The following CACNA1E variants were observed in gnomAD, a reference collection of about 807,000 sequenced individuals.
The protein encoded by CACNA1E is voltage-dependent R-type calcium channel subunit alpha-1E.
Under a neutral mutation model 259.2 loss-of-function variants are expected in CACNA1E, and 40 were observed. That is an observed-to-expected ratio of 0.15 (90% CI 0.12 to 0.20). The LOEUF (loss-of-function observed/expected upper bound fraction) is 0.20, where lower values mean the gene tolerates loss of function less well. Among genes scored for constraint, CACNA1E ranks in the 10% least tolerant of loss-of-function variants. The pLI is 1.00. For synonymous variants in CACNA1E, 1,104 were observed against 1,138.5 expected, an observed-to-expected ratio of 0.97 and a Z score of 0.61; for missense variants, 1,874 against 3,040.1, an observed-to-expected ratio of 0.62 and a Z score of 9.02.
chr1:181,785,236 GT>G, intron 41 of CACNA1E, 81 bp from the exon 42 acceptor site: 1 of 804,558 alleles, frequency 1.2e-6, no homozygotes, highest in Non-Finnish European at 2.1e-6. Flanking sequence ...GTTCCAGAGA[GT>G]GGGTAACAAA....
intron 3 of CACNA1E, among the ~76,000 whole-genome samples, chr1:181,542,688 C>T (rs1371727475): frequency 2.6e-5 from 4 of 151,996 alleles, no homozygotes; most frequent in Non-Finnish European, 4.4e-5. Flanking sequence ...CCACGCTGAA[C>T]TGTGAGTCAG....
At chr1:181,590,920 T>C (rs1343160616) in intron 6 of CACNA1E, among the ~76,000 whole-genome samples, 3 of 152,236 alleles carry the variant, frequency 2.0e-5, no homozygotes, top group African/African-American at 7.2e-5. Context: ...TACCACATTT[T>C]CTTGAATCTA....
At chr1:181,463,903 AT>A (rs1408228026) in intron 2 of CACNA1E, among the ~76,000 whole-genome samples, 3 of 152,156 alleles carry the variant, frequency 2.0e-5, no homozygotes, top group African/African-American at 7.2e-5. Context: ...AGTCATTTAT[AT>A]TTTTTAAATA....
chr1:181,401,667 T>C (rs1473236072), intron 1 of CACNA1E, among the ~76,000 whole-genome samples: 1 of 152,212 alleles, frequency 6.6e-6, no homozygotes, highest in African/African-American at 2.4e-5. Context: ...GGGCTTCTTG[T>C]CACAGAGCTT....
intron 30 of CACNA1E, 84 bp downstream of exon 30, chr1:181,757,210 A>G (rs1340782421): frequency 1.1e-6 from 1 of 887,888 alleles, no homozygotes; most frequent in Non-Finnish European, 1.8e-6. Flanking sequence ...GGAGGACTGC[A>G]TTTTCTTAAC....
At chr1:181,764,541 G>A (rs1359659430) in intron 34 of CACNA1E, among the ~76,000 whole-genome samples, 1 of 152,204 alleles carries the variant, frequency 6.6e-6, no homozygotes, top group Admixed American at 6.5e-5. Context: ...TCTTCATCGA[G>A]GACCTGGGAT....
chr1:181,600,918 C>A, intron 6 of CACNA1E, among the ~76,000 whole-genome samples: 1 of 152,228 alleles, frequency 6.6e-6, no homozygotes, highest in Non-Finnish European at 1.5e-5. Flanking sequence ...AGAGGACCAA[C>A]GACTTAGCTC....
In CACNA1E at chr1:181,784,666, G is replaced by T. The variant is rs762378008; in HGVS notation, c.5476G>T (p.Ala1826Ser). The T allele has an allele frequency of 1.3e-6, 2 of 1,568,882 alleles. No individual in the cohort carries two copies. The highest frequency in any genetic ancestry group is 1.7e-6 in the Non-Finnish European group (2 of 1,155,552). Residue 1826 changes from alanine (A) to serine (S), a missense_variant, in exon 41 of 48, where the codon GCA (alanine) becomes TCA (serine). This residue lies in a region of CACNA1E where 147 missense variants were observed against 337.1 expected (regional missense o/e 0.44). Transcript: ENST00000367573. Reference protein sequence around the residue: ...ALDIKIAKGGADRQQLDSELQ... With the variant: ...ALDIKIAKGGSDRQQLDSELQ... ...AGTAATTTATCTTATTCTAGGTGGT[G>T]CAGACAGGCAGCAGCTAGACTCAGA...
rs765829295 is a variant in CACNA1E, at chr1:181,756,112, A to G, written c.4127+19A>G. 4.4e-6 allele frequency: 7 copies of G among 1,600,172 alleles called. No individual in the cohort carries two copies. In the South Asian group the frequency reaches 4.5e-5, roughly 10 times the overall value. On this transcript the variant is annotated intron_variant, in intron 29 of 47. Transcript: ENST00000367573. ...GGCCTCAGTGAGTGATTGAGTTGTC[A>G]TGCTTGTCTGTGGCTGTGATAGGAC...
intron 7 of CACNA1E, among the ~76,000 whole-genome samples, chr1:181,674,347 C>G (rs557231614): frequency 1.5e-5 from 2 of 134,118 alleles, no homozygotes; most frequent in Non-Finnish European, 3.1e-5. Context: ...GAGCCGAGAT[C>G]GCGCCACTGT....
chr1:181,319,296 A>G (rs942807607), intron 1 of CACNA1E, among the ~76,000 whole-genome samples: 3 of 152,220 alleles, frequency 2.0e-5, no homozygotes, highest in Non-Finnish European at 4.4e-5. Context: ...CCTGCAAGGA[A>G]AGGATGTTTC....
chr1:181,735,130 T>C (rs1391752577), intron 21 of CACNA1E, among the ~76,000 whole-genome samples: 2 of 152,244 alleles, frequency 1.3e-5, no homozygotes, highest in Admixed American at 1.3e-4. Flanking sequence ...GTGCCACTGC[T>C]ACTTCAGAAA....
intron 40 of CACNA1E, 37 bp from the exon 41 acceptor site, chr1:181,784,624 G>A (rs1362109140): frequency 5.1e-6 from 7 of 1,382,602 alleles, no homozygotes; most frequent in African/African-American, 1.4e-5. Context: ...GTTATTTCTG[G>A]GTCTATTCTA....
At chr1:181,599,731 A>G (rs929929710) in intron 6 of CACNA1E, among the ~76,000 whole-genome samples, 9 of 152,266 alleles carry the variant, frequency 5.9e-5, no homozygotes, top group African/African-American at 2.2e-4. Flanking sequence ...GGAGTAATAA[A>G]TTAGTGAATG....
At chr1:181,694,487 GATT>G (rs1489955461) in intron 7 of CACNA1E, among the ~76,000 whole-genome samples, 1 of 152,174 alleles carries the variant, frequency 6.6e-6, no homozygotes. Flanking sequence ...CTCGTGAATG[GATT>G]AATGCCATTA....
At chr1:181,492,753 A>G (rs1345347529) in intron 1 of CACNA1E, among the ~76,000 whole-genome samples, 1 of 152,012 alleles carries the variant, frequency 6.6e-6, no homozygotes, top group Non-Finnish European at 1.5e-5. Flanking sequence ...ACCTTCCCCA[A>G]CCTGACTCTG....
intron 1 of CACNA1E, among the ~76,000 whole-genome samples, chr1:181,409,083 T>A (rs537760663): frequency 6.6e-6 from 1 of 152,336 alleles, no homozygotes; most frequent in South Asian, 2.1e-4. Context: ...TACAGGACTT[T>A]ATAAATAAAG....
intron 10 of CACNA1E, among the ~76,000 whole-genome samples, chr1:181,716,834 C>T (rs902727046): frequency 2.6e-5 from 4 of 152,168 alleles, no homozygotes; most frequent in African/African-American, 7.2e-5. Flanking sequence ...AACATAAACA[C>T]GATCCTATTA....
chr1:181,403,814 C>T (rs1177690759), intron 1 of CACNA1E, among the ~76,000 whole-genome samples: 1 of 152,076 alleles, frequency 6.6e-6, no homozygotes, highest in Non-Finnish European at 1.5e-5. Context: ...GGTGGGGTGG[C>T]TTCCGGGTTG....
Sources: allele counts gnomAD v4.1 joint callset (sites outside exome capture counted in the v4.1 genomes callset), GRCh38; gene constraint gnomAD v4.1.1; regional missense constraint gnomAD v4.1.1; transcripts MANE v1.5; gene names NCBI Gene and HGNC (gene_info 2026-07-23, HGNC 2026-07-21).